PBX1: variants seen among roughly 807,000 people sequenced by gnomAD.
PBX1 encodes the protein PBX homeobox 1.
In PBX1, 6 loss-of-function variants were observed where a neutral mutation model predicts 53.4. The ratio of observed to expected loss-of-function variants is 0.11; its 90% CI spans 0.06 to 0.22. PBX1 has a LOEUF of 0.22. PBX1 is among the 10% of genes least tolerant of loss of function. The probability of loss-of-function intolerance (pLI) is 1.00; values close to 1 mark genes in which losing one functional copy is unlikely to be tolerated. For synonymous variants in PBX1, 204 were observed against 212.3 expected, an observed-to-expected ratio of 0.96 and a Z score of 0.34; for missense variants, 251 against 551.4, an observed-to-expected ratio of 0.46 and a Z score of 5.46.
At chr1:164,870,318 T>TTTCTTTCTTTCTTTCC (rs1672342778) in intron 2 of PBX1, among the ~76,000 whole-genome samples, 2 of 102,818 alleles carry the variant, frequency 1.9e-5, no homozygotes, top group Non-Finnish European at 4.0e-5. Flanking sequence ...TCTTTCTTTC[T>TTTCTTTCTTTCTTTCC]TTCTTTCTTT....
intron 2 of PBX1, among the ~76,000 whole-genome samples, chr1:164,609,557 T>C (rs1360111343): frequency 6.6e-6 from 1 of 152,198 alleles, no homozygotes; most frequent in Non-Finnish European, 1.5e-5. Flanking sequence ...CTCCTCAGGC[T>C]CCTTGAGGCT....
downstream of PBX1, among the ~76,000 whole-genome samples, chr1:164,854,895 C>G (rs377314803): frequency 1.1e-4 from 16 of 152,018 alleles, no homozygotes; most frequent in East Asian, 2.7e-3. Context: ...TCCCACAATG[C>G]CCAGTCACAT....
intron 2 of PBX1, among the ~76,000 whole-genome samples, chr1:164,697,100 T>C (rs557559293): frequency 1.3e-5 from 2 of 152,326 alleles, no homozygotes; most frequent in East Asian, 3.9e-4. Flanking sequence ...CTAATATTAA[T>C]TTAGGGATTA....
chr1:164,668,502 C>G (rs1365209048), intron 2 of PBX1, among the ~76,000 whole-genome samples: 1 of 152,102 alleles, frequency 6.6e-6, no homozygotes, highest in Admixed American at 6.5e-5. Context: ...CCAGCCAGGG[C>G]CCTGCTGGGC....
In PBX1 at chr1:164,584,706, C is replaced by T. The variant is rs78877353; in HGVS notation, c.265+21395C>T. On this transcript the variant is annotated intron_variant, in intron 2 of 8. Coordinates refer to ENST00000420696, the MANE Select transcript of PBX1 (RefSeq NM_002585.4). Reference sequence around the variant, plus strand: ...TGTGCAAGAGAGGACACCTGAGGACCGTGTGAAGGCAAGTGATAATCAGAC... The same window carrying T: ...TGTGCAAGAGAGGACACCTGAGGACTGTGTGAAGGCAAGTGATAATCAGAC... Among the ~76,000 whole-genome samples the T allele has an allele frequency of 1.4e-4, 22 of 152,064 alleles. No individual in the cohort carries two copies. In the East Asian group the frequency reaches 3.3e-3, roughly 23 times the overall value.
At chr1:164,808,168 G>A (rs1349719747) in intron 5 of PBX1, among the ~76,000 whole-genome samples, 1 of 152,126 alleles carries the variant, frequency 6.6e-6, no homozygotes, top group Non-Finnish European at 1.5e-5. Flanking sequence ...TGGGAGTGTA[G>A]GAATTTTAAC....
Position 164,851,193 on chromosome 1 carries a change from A to C in PBX1, c.*4517A>C, listed in dbSNP as rs1558046848. 9.3e-6 allele frequency: 2 copies of C among 214,380 alleles called. No homozygotes were observed. Among genetic ancestry groups the C allele is most frequent in the Non-Finnish European group, 9.4e-6 (1 of 106,226 alleles). 13.3% of individuals were successfully genotyped at this position (214,380 alleles called of 1,614,324 possible). A position where few individuals can be genotyped will look rare whatever the true frequency, so the allele number is the denominator to read the frequency against. On this transcript the variant is annotated 3_prime_UTR_variant, in exon 9 of 9. Coordinates refer to ENST00000420696, the MANE Select transcript of PBX1 (RefSeq NM_002585.4). ...AAATTGCAAAACTGGCTTGATTTGG[A>C]ATGTTTTTATTAGAGGAAAAAAGAA...
At chr1:164,561,750 TC>T (rs376360663) in intron 1 of PBX1, among the ~76,000 whole-genome samples, 28 of 152,238 alleles carry the variant, frequency 1.8e-4, no homozygotes, top group African/African-American at 6.7e-4. Flanking sequence ...CAGAGAGAGA[TC>T]AGATACAATT....
At chr1:164,722,571 A>G (rs559278901) in intron 2 of PBX1, among the ~76,000 whole-genome samples, 4 of 152,202 alleles carry the variant, frequency 2.6e-5, no homozygotes, top group East Asian at 1.9e-4. Flanking sequence ...GGCTTTTTGT[A>G]TACAAAATGG....
At chr1:164,560,076 G>A in intron 1 of PBX1, 63 bp downstream of exon 1, 1 of 1,162,576 alleles carries the variant, frequency 8.6e-7, no homozygotes, top group Non-Finnish European at 1.1e-6. Context: ...CTTGCAGGGG[G>A]AAACAATGGG....
At chr1:164,638,566 A>G (rs1658928200) in intron 2 of PBX1, among the ~76,000 whole-genome samples, 2 of 152,232 alleles carry the variant, frequency 1.3e-5, no homozygotes, top group Non-Finnish European at 2.9e-5. Context: ...GTTTTCTGAT[A>G]AAGACACACA....
chr1:164,871,845 A>C (rs1272394896), intron 2 of PBX1, among the ~76,000 whole-genome samples: 2 of 109,980 alleles, frequency 1.8e-5, no homozygotes, highest in African/African-American at 3.2e-5. Flanking sequence ...TCTACTGCAC[A>C]CCATTCTCTA....
intron 2 of PBX1, among the ~76,000 whole-genome samples, chr1:164,653,694 G>A (rs913532559): frequency 1.2e-4 from 19 of 152,112 alleles, no homozygotes; most frequent in South Asian, 2.1e-4. Flanking sequence ...CGCTTGAACC[G>A]GGGAAGCGGA....
At chr1:164,863,609 T>C (rs1420015648) in intron 2 of PBX1, among the ~76,000 whole-genome samples, 10 of 152,206 alleles carry the variant, frequency 6.6e-5, no homozygotes, top group African/African-American at 2.4e-4. Context: ...ATTGAATTTG[T>C]CAACGGGGTC....
chr1:164,672,191 G>A (rs183923978), intron 2 of PBX1, among the ~76,000 whole-genome samples: 142 of 152,018 alleles, frequency 9.3e-4, no homozygotes, highest in Non-Finnish European at 7.4e-5. Context: ...ACTCATGGGT[G>A]TAAACACACC....
At chr1:164,739,822 A>C (rs1227239508) in intron 2 of PBX1, among the ~76,000 whole-genome samples, 1 of 150,798 alleles carries the variant, frequency 6.6e-6, no homozygotes, top group Non-Finnish European at 1.5e-5. Context: ...ATTAGTGTTC[A>C]TTTGTCTGAG....
intron 2 of PBX1, among the ~76,000 whole-genome samples, chr1:164,868,656 C>A (rs1391942366): frequency 6.6e-6 from 1 of 152,150 alleles, no homozygotes; most frequent in East Asian, 1.9e-4. Context: ...CTAAAGAGCT[C>A]TTGCTTTCTT....
At chr1:164,865,961 T>C (rs1006903386) in intron 2 of PBX1, among the ~76,000 whole-genome samples, 4 of 152,206 alleles carry the variant, frequency 2.6e-5, no homozygotes, top group African/African-American at 7.2e-5. Context: ...CCATGACAAG[T>C]CCCTGCACTT....
At chr1:164,597,668 C>G (rs1655862631) in intron 2 of PBX1, among the ~76,000 whole-genome samples, 1 of 152,094 alleles carries the variant, frequency 6.6e-6, no homozygotes, top group African/African-American at 2.4e-5. Context: ...GAAGTTTCTG[C>G]TATATTTTAG....
Sources: gnomAD v4.1 joint callset for allele counts (sites outside exome capture counted in the v4.1 genomes callset) on GRCh38, gnomAD v4.1.1 for gene constraint, MANE v1.5 for transcripts, NCBI Gene and HGNC (gene_info 2026-07-23, HGNC 2026-07-21) for gene names.